Variants in XRCC4 observed in about 807,000 individuals in gnomAD.
XRCC4 encodes the protein X-ray repair cross complementing 4, also known as DNA repair protein XRCC4.
XRCC4 carries 28 observed loss-of-function variants against 39.1 expected under a neutral mutation model. The observed-to-expected ratio is 0.72, with a 90% CI of 0.53 to 0.98. The LOEUF (loss-of-function observed/expected upper bound fraction) is 0.98, where lower values mean the gene tolerates loss of function less well. Ranked by LOEUF, XRCC4 falls within the 50% of genes least tolerant of loss-of-function variation. XRCC4 has a pLI of 0.00. For synonymous variants in XRCC4, 123 were observed against 126.4 expected, an observed-to-expected ratio of 0.97 and a Z score of 0.18; for missense variants, 350 against 376.4, an observed-to-expected ratio of 0.93 and a Z score of 0.58.
chr5:83,236,318 C>G (rs974405704), intron 6 of XRCC4, among the ~76,000 whole-genome samples: 5 of 152,088 alleles, frequency 3.3e-5, no homozygotes, highest in Non-Finnish European at 5.9e-5. Flanking sequence ...TCAAATTATA[C>G]TACAAAATTG....
rs534113344 is a variant in XRCC4 at position 83,303,304 on chromosome 5, C to G, written c.893+44627C>G. Among the ~76,000 whole-genome samples, 3 of 151,234 alleles carry G rather than the reference C, an allele frequency of 2.0e-5. No individual in the cohort carries two copies. The East Asian group carries it at 5.8e-4, about 29-fold the overall frequency. On this transcript the variant is annotated intron_variant, in intron 7 of 7. Coordinates refer to ENST00000396027, the MANE Select transcript of XRCC4 (RefSeq NM_003401.5). ...AATCTAAAGTATATTGTTGCCCTAGCTGTAAAATTAAGTGAAAGATATTTT... is the reference window on the plus strand; with the variant it reads ...AATCTAAAGTATATTGTTGCCCTAGGTGTAAAATTAAGTGAAAGATATTTT...
At chr5:83,235,019 G>A (rs1250290435) in intron 6 of XRCC4, among the ~76,000 whole-genome samples, 3 of 151,228 alleles carry the variant, frequency 2.0e-5, no homozygotes, top group Non-Finnish European at 4.4e-5. Flanking sequence ...TTTATTGATA[G>A]TGGCATTGGT....
intron 1 of XRCC4, among the ~76,000 whole-genome samples, chr5:83,090,142 C>A (rs952508916): frequency 6.6e-6 from 1 of 152,116 alleles, no homozygotes; most frequent in Admixed American, 6.5e-5. Context: ...ATGTCAAAGG[C>A]CTGGGCTCAA....
intron 3 of XRCC4, among the ~76,000 whole-genome samples, chr5:83,119,705 C>A (rs1258734141): frequency 6.6e-6 from 1 of 152,142 alleles, no homozygotes; most frequent in Non-Finnish European, 1.5e-5. Context: ...GGCATAGTGG[C>A]TCATGCCTGT....
chr5:83,125,852 G>T (rs926006814), intron 3 of XRCC4, among the ~76,000 whole-genome samples: 2 of 151,960 alleles, frequency 1.3e-5, no homozygotes, highest in African/African-American at 2.4e-5. Context: ...GTGTGGTGGC[G>T]CATTCCTGTA....
chr5:83,106,794 G>A lies in XRCC4; in HGVS notation c.139+1736G>A, dbSNP rs79300724. On this transcript the variant is annotated intron_variant, in intron 2 of 7. Transcript: ENST00000396027. ...AACACTCTTTGCAATTATCTAGACC[G>A]GTACCTACGAAATACATTCTCAATG... 9.2e-3 allele frequency among the ~76,000 whole-genome samples: 1,405 copies of A among 151,928 alleles called. 17 individuals are homozygous for A. Among genetic ancestry groups the A allele is most frequent in the African/African-American group, 0.032 (1,320 of 41,496 alleles).
chr5:83,118,543 C>A (rs890897082), intron 3 of XRCC4, among the ~76,000 whole-genome samples: 1 of 152,162 alleles, frequency 6.6e-6, no homozygotes, highest in African/African-American at 2.4e-5. Context: ...ATTATGTTCA[C>A]CTTTGAGGCA....
downstream of XRCC4, among the ~76,000 whole-genome samples, chr5:83,357,935 G>A (rs560856389): frequency 6.6e-6 from 1 of 152,020 alleles, no homozygotes; most frequent in Non-Finnish European, 1.5e-5. Context: ...ATTCACAAAG[G>A]CCTCACGAAT....
chr5:83,191,987 G>C (rs1041015253), intron 3 of XRCC4, among the ~76,000 whole-genome samples: 4 of 151,940 alleles, frequency 2.6e-5, no homozygotes, highest in Non-Finnish European at 4.4e-5. Flanking sequence ...GGACTTGAAG[G>C]GTTGACAAAA....
rs549512187 is a variant in XRCC4 at position 83,188,233 on chromosome 5, G to A, written c.316-7537G>A. ...CCAGGGGCTGTGGTCTCATCTCAAG[G>A]TGAAGGATCTGCCTTCAAGCTCAGT... On this transcript the variant is annotated intron_variant, in intron 3 of 7. Coordinates refer to ENST00000396027, the MANE Select transcript of XRCC4 (RefSeq NM_003401.5). Among the ~76,000 whole-genome samples the A allele has an allele frequency of 5.3e-5, 8 of 152,172 alleles. No individual in the cohort carries two copies. In the South Asian group the frequency reaches 1.7e-3, roughly 32 times the overall value.
At chr5:83,250,387 A>T (rs971807782) in intron 6 of XRCC4, among the ~76,000 whole-genome samples, 1 of 152,208 alleles carries the variant, frequency 6.6e-6, no homozygotes, top group Non-Finnish European at 1.5e-5. Context: ...ATAACTTGTA[A>T]GTTATTTATT....
intron 1 of XRCC4, among the ~76,000 whole-genome samples, chr5:83,103,009 G>GATGTATATATATATATATATATATATAT (rs1746012276): frequency 2.8e-5 from 3 of 106,460 alleles, no homozygotes; most frequent in African/African-American, 1.2e-4. Context: ...AGATAGAGCT[G>GATGTATATATATATATATATATATATAT]ATATATATAT....
At chr5:83,252,862 T>TTGTATA (rs1753379114) in intron 6 of XRCC4, among the ~76,000 whole-genome samples, 1 of 152,244 alleles carries the variant, frequency 6.6e-6, no homozygotes, top group Non-Finnish European at 1.5e-5. Flanking sequence ...CCAGTCTTTA[T>TTGTATA]ATTTATCTTG....
intron 7 of XRCC4, among the ~76,000 whole-genome samples, chr5:83,344,286 G>T (rs1223467662): frequency 1.3e-5 from 2 of 151,848 alleles, no homozygotes; most frequent in South Asian, 2.1e-4. Context: ...ACCCAGGCTG[G>T]AGTGCAATGG....
At chr5:83,168,442 C>T (rs750077396) in intron 3 of XRCC4, among the ~76,000 whole-genome samples, 35 of 152,030 alleles carry the variant, frequency 2.3e-4, no homozygotes, top group Admixed American at 8.5e-4. Context: ...GTTTTAAAAA[C>T]GCCTCTCTCA....
rs369333975 is a variant in XRCC4, at chr5:83,110,949, T to A, written c.140-79T>A. Reference sequence around the variant, plus strand: ...ATTTCTGTTACATGTGATAAATTAGTACTAACAGATAAACTAATATTTTCT... The same window carrying A: ...ATTTCTGTTACATGTGATAAATTAGAACTAACAGATAAACTAATATTTTCT... On this transcript the variant is annotated intron_variant, in intron 2 of 7. Transcript: ENST00000396027. 55 of 1,301,492 alleles carry A rather than the reference T, an allele frequency of 4.2e-5. No individual in the cohort carries two copies. In the African/African-American group the frequency reaches 7.8e-4, roughly 18 times the overall value. 80.6% of individuals were successfully genotyped at this position (1,301,492 alleles called of 1,614,324 possible).
chr5:83,345,139 C>T (rs529012949), intron 7 of XRCC4, among the ~76,000 whole-genome samples: 5 of 152,206 alleles, frequency 3.3e-5, no homozygotes, highest in South Asian at 4.2e-4. Context: ...TAGCATATGT[C>T]GCAGTATCTC....
intron 3 of XRCC4, among the ~76,000 whole-genome samples, chr5:83,185,692 CTA>C (rs1561388647): frequency 6.6e-6 from 1 of 151,794 alleles, no homozygotes. Flanking sequence ...TGGATAGAAA[CTA>C]ATGAGACTGA....
intron 7 of XRCC4, among the ~76,000 whole-genome samples, chr5:83,323,431 T>A (rs1756141635): frequency 6.6e-6 from 1 of 152,068 alleles, no homozygotes; most frequent in Non-Finnish European, 1.5e-5. Context: ...TTTAGAGAGG[T>A]TGTTACACAG....
Sources: gnomAD v4.1 joint callset for allele counts (sites outside exome capture counted in the v4.1 genomes callset) on GRCh38, gnomAD v4.1.1 for gene constraint, MANE v1.5 for transcripts, NCBI Gene and HGNC (gene_info 2026-07-23, HGNC 2026-07-21) for gene names.